The following IL1RAPL1 variants were observed in gnomAD, a reference collection of about 807,000 sequenced individuals.
IL1RAPL1 encodes interleukin-1 receptor accessory protein-like 1.
IL1RAPL1 carries 3 observed loss-of-function variants against 48.4 expected under a neutral mutation model. The ratio of observed to expected loss-of-function variants is 0.06; its 90% CI spans 0.03 to 0.16. IL1RAPL1 has a LOEUF of 0.16. Ranked by LOEUF, IL1RAPL1 falls within the 10% of genes least tolerant of loss-of-function variation. The pLI is 1.00. For missense variants in IL1RAPL1, 349 were observed against 530.6 expected (o/e 0.66, Z 3.36); for synonymous variants, 185 against 187.7 (o/e 0.99, Z 0.12).
At chrX:29,238,599 A>G (rs775378978) in intron 2 of IL1RAPL1, among the ~76,000 whole-genome samples, 11 of 111,934 alleles carry the variant, frequency 9.8e-5, no homozygotes, top group Non-Finnish European at 1.7e-4. Flanking sequence ...CTCATCCAAC[A>G]TAACAGCAGC....
intron 6 of IL1RAPL1, among the ~76,000 whole-genome samples, chrX:29,741,935 G>GAAAAAAAAAAAAAAAAAAAAAAAAA: frequency 1.6e-5 from 1 of 61,829 alleles, no homozygotes; most frequent in Non-Finnish European, 2.9e-5. Flanking sequence ...AAAAAAAAAA[G>GAAAAAAAAAAAAAAAAAAAAAAAAA]AAAAAAAAAA....
chrX:29,300,366 G>T (rs1932514518), intron 3 of IL1RAPL1, among the ~76,000 whole-genome samples: 2 of 110,944 alleles, frequency 1.8e-5, no homozygotes, highest in South Asian at 3.9e-4. Flanking sequence ...ATGGAAAAAA[G>T]GTATATATCT....
At chrX:29,924,547 A>G (rs1011702308) in intron 8 of IL1RAPL1, among the ~76,000 whole-genome samples, 3 of 112,290 alleles carry the variant, frequency 2.7e-5, no homozygotes, top group Non-Finnish European at 5.6e-5. Flanking sequence ...GCCATCCACT[A>G]CTTTTTAAAT....
chrX:29,436,417 C>T (rs1361596833), intron 5 of IL1RAPL1, among the ~76,000 whole-genome samples: 2 of 109,860 alleles, frequency 1.8e-5, no homozygotes, highest in East Asian at 2.8e-4. Context: ...TACTAAGTAC[C>T]GTGATTTTGC....
rs141418197 is a variant in IL1RAPL1 at position 29,387,082 on chromosome X, C to T, written c.363-9176C>T. ...ATGACAGGGGAAGAGGAGATGAACACGGGATGAAAGAGTTGAAAAATATGA... is the reference window on the plus strand; with the variant it reads ...ATGACAGGGGAAGAGGAGATGAACATGGGATGAAAGAGTTGAAAAATATGA... On this transcript the variant is annotated intron_variant, in intron 3 of 10. Coordinates refer to ENST00000378993, the MANE Select transcript of IL1RAPL1 (RefSeq NM_014271.4). Among the ~76,000 whole-genome samples, 16 of 111,113 alleles carry T rather than the reference C, an allele frequency of 1.4e-4. No individual in the cohort carries two copies. The East Asian group carries it at 3.4e-3, about 24-fold the overall frequency.
intron 2 of IL1RAPL1, among the ~76,000 whole-genome samples, chrX:28,869,768 A>G (rs1922162932): frequency 8.9e-6 from 1 of 111,809 alleles, no homozygotes. Flanking sequence ...ATAGCTTTTC[A>G]TATATTTACA....
intron 6 of IL1RAPL1, among the ~76,000 whole-genome samples, chrX:29,673,846 A>G (rs1321196081): frequency 8.9e-6 from 1 of 112,203 alleles, no homozygotes. Context: ...CTTGCTTTTG[A>G]AACCAAAAAG....
chrX:29,374,046 G>T (rs185782787), intron 3 of IL1RAPL1, among the ~76,000 whole-genome samples: 2 of 105,019 alleles, frequency 1.9e-5, no homozygotes, highest in African/African-American at 3.4e-5. Context: ...GTAGTATTTT[G>T]TTGAGAATTT....
At chrX:29,899,232 A>G (rs1474359801) in intron 6 of IL1RAPL1, among the ~76,000 whole-genome samples, 2 of 111,126 alleles carry the variant, frequency 1.8e-5, no homozygotes, top group Non-Finnish European at 3.8e-5. Flanking sequence ...TGGGAACTCC[A>G]AAAAGAAAGA....
At chrX:29,306,840 G>A (rs200613258) in intron 3 of IL1RAPL1, among the ~76,000 whole-genome samples, 4 of 81,411 alleles carry the variant, frequency 4.9e-5, no homozygotes, top group Middle Eastern at 0.011. Flanking sequence ...CAGCCTGGGT[G>A]ACAGAGTGAG....
At chrX:29,803,965 G>T (rs1306625400) in intron 6 of IL1RAPL1, among the ~76,000 whole-genome samples, 2 of 110,866 alleles carry the variant, frequency 1.8e-5, no homozygotes, top group Non-Finnish European at 3.8e-5. Flanking sequence ...ACTTTAATAT[G>T]CTTGATTATA....
At chrX:29,223,089 A>G (rs1331453526) in intron 2 of IL1RAPL1, among the ~76,000 whole-genome samples, 1 of 111,090 alleles carries the variant, frequency 9.0e-6, no homozygotes, top group Non-Finnish European at 1.9e-5. Flanking sequence ...AATATTTTCT[A>G]TATGTTATAG....
At position 29,456,661 on chromosome X, in the gene IL1RAPL1, G is replaced by A. The variant is rs747510584; in HGVS notation, c.703+57353G>A. Among the ~76,000 whole-genome samples, 10 of 111,067 alleles carry A rather than the reference G, an allele frequency of 9.0e-5. No homozygotes were observed. The East Asian group carries it at 2.0e-3, about 22-fold the overall frequency. Reference sequence around the variant, plus strand: ...GATTGAAAAGGGGCTTATCAGTTACGGAAGACTCAATGCTTCCAAAGCTTT... The same window carrying A: ...GATTGAAAAGGGGCTTATCAGTTACAGAAGACTCAATGCTTCCAAAGCTTT... On this transcript the variant is annotated intron_variant, in intron 5 of 10. Transcript: ENST00000378993.
rs909724610 is a variant in IL1RAPL1 at position 29,549,176 on chromosome X, T to C, written c.704-119254T>C. On this transcript the variant is annotated intron_variant, in intron 5 of 10. Coordinates refer to ENST00000378993, the MANE Select transcript of IL1RAPL1 (RefSeq NM_014271.4). ...ATAATCTGAAATATTAAGTGGAAAA[T>C]TACAGAAATGATTTCTAAAATGTAA... Among the ~76,000 whole-genome samples the C allele has an allele frequency of 2.7e-5, 3 of 111,924 alleles. No individual in the cohort carries two copies. In the South Asian group the frequency reaches 1.1e-3, roughly 42 times the overall value.
intron 5 of IL1RAPL1, among the ~76,000 whole-genome samples, chrX:29,462,813 G>T (rs1003308897): frequency 3.6e-5 from 4 of 111,961 alleles, no homozygotes; most frequent in Non-Finnish European, 7.5e-5. Context: ...TTTCTCTAGA[G>T]CCATGTGTAT....
chrX:29,217,775 TCTCACACACACACACACACACA>T (rs1468927669), intron 2 of IL1RAPL1, among the ~76,000 whole-genome samples: 4 of 68,427 alleles, frequency 5.8e-5, no homozygotes, highest in African/African-American at 1.0e-4. Context: ...TCTCTCTCTC[TCTCACACACACACACACACACA>T]CACACACACA....
intron 5 of IL1RAPL1, among the ~76,000 whole-genome samples, chrX:29,604,206 T>C (rs1260870881): frequency 1.8e-5 from 2 of 112,184 alleles, no homozygotes; most frequent in Admixed American, 9.5e-5. Context: ...ACTTCTACTT[T>C]CTCCTCTGAA....
At chrX:29,838,209 G>A (rs886390436) in intron 6 of IL1RAPL1, among the ~76,000 whole-genome samples, 1 of 112,078 alleles carries the variant, frequency 8.9e-6, no homozygotes, top group Non-Finnish European at 1.9e-5. Flanking sequence ...GAAGTCTCCA[G>A]TATGATTCAT....
chrX:28,934,140 C>G (rs1259846572), intron 2 of IL1RAPL1, among the ~76,000 whole-genome samples: 1 of 110,945 alleles, frequency 9.0e-6, no homozygotes, highest in Non-Finnish European at 1.9e-5. Flanking sequence ...CCCAGTAGGT[C>G]TCAGCCTCAT....
Sources: allele counts gnomAD v4.1 joint callset (sites outside exome capture counted in the v4.1 genomes callset), GRCh38; gene constraint gnomAD v4.1.1; transcripts MANE v1.5; gene names NCBI Gene and HGNC (gene_info 2026-07-23, HGNC 2026-07-21).